CDC42EP1: variants seen among roughly 807,000 people sequenced by gnomAD.
CDC42EP1 encodes the protein 55 kDa bone marrow stromal/endothelial cell protein.
CDC42EP1 carries 6 observed loss-of-function variants against 7.4 expected under a neutral mutation model. The ratio of observed to expected loss-of-function variants is 0.81; its 90% CI spans 0.44 to 1.60. CDC42EP1 has a LOEUF of 1.60. Among genes scored for constraint, CDC42EP1 ranks in the 40% most tolerant of loss-of-function variants. The pLI, the probability that CDC42EP1 is intolerant of heterozygous loss-of-function variation, is 0.01. For missense variants in CDC42EP1, 567 were observed against 539.0 expected, an observed-to-expected ratio of 1.05 and a Z score of -0.51; for synonymous variants, 238 against 227.1, an observed-to-expected ratio of 1.05 and a Z score of -0.43.
chr22:37,564,479 C>T (rs1925153246), intron 1 of CDC42EP1: 1 of 152,230 alleles, frequency 6.6e-6, no homozygotes, highest in Admixed American at 6.5e-5. Flanking sequence ...TTCCAGGAAG[C>T]TCCTTGAAGG....
rs199672437 is a variant in CDC42EP1, at chr22:37,566,792, C to T, written c.443C>T (p.Thr148Met). 1.9e-5 allele frequency: 30 copies of T among 1,565,832 alleles called. No homozygotes were observed. In the Admixed American group the frequency reaches 3.5e-4, roughly 18 times the overall value. Residue 148 changes from threonine to methionine, a missense_variant, in exon 2 of 3, where the codon ACG becomes ATG. Thr to Met is a moderately conservative substitution (Grantham distance 81). Transcript: ENST00000249014. The surrounding 1 kb of genome is among the most constrained non-coding windows in gnomAD (Gnocchi z 6.4). ...LSFDSSPTSSTDGHSSYGLDS... is the reference protein window; with the variant it reads ...LSFDSSPTSSMDGHSSYGLDS... ...TTCGACAGCAGCCCCACCAGCTCCA[C>T]GGACGGCCACTCCAGCTACGGTGAG...
At position 37,568,637 on chromosome 22, in the gene CDC42EP1, C is replaced by T. The variant is rs1186388288; in HGVS notation, c.993C>T (p.Tyr331=). ...WGAGWDGGHH[Y]PEMDARQERV... is the part of the protein sequence containing the mutation. ...CAGGCTGGGATGGCGGCCACCACTA[C>T]CCAGAGATGGATGCGCGGCAGGAGC... Residue 331 remains tyrosine (Y), a synonymous_variant, in exon 3 of 3, where the codon TAC becomes TAT. Coordinates refer to ENST00000249014, the MANE Select transcript of CDC42EP1 (RefSeq NM_152243.3). 1 of 1,583,118 alleles carries T rather than the reference C, an allele frequency of 6.3e-7. No individual in the cohort carries two copies. The highest frequency in any genetic ancestry group is 2.3e-5 in the East Asian group (1 of 44,220).
chr22:37,566,507 G>A lies in CDC42EP1; in HGVS notation c.158G>A (p.Arg53His), dbSNP rs113668714. 4.0e-5 allele frequency: 64 copies of A among 1,612,358 alleles called. No homozygotes were observed. Among genetic ancestry groups the A allele is most frequent in the East Asian group, 3.8e-4 (17 of 44,826 alleles). The part of the protein sequence containing the change: ...GDFRHTMHVG[R>H]GGDVFGDTSF... ...TTCCGCCACACCATGCATGTGGGCC[G>A]TGGCGGGGATGTCTTCGGGGACACG... The change falls in exon 2 of 3, where the codon CGT (arginine) becomes CAT (histidine). Residue 53 changes from arginine to histidine, a missense_variant. Coordinates refer to ENST00000249014, the MANE Select transcript of CDC42EP1 (RefSeq NM_152243.3). The surrounding 1 kb of genome is among the most constrained non-coding windows in gnomAD (Gnocchi z 6.4).
Position 37,569,114 on chromosome 22 carries a change from C to G in CDC42EP1, c.*294C>G, listed in dbSNP as rs1388256514. On this transcript the variant is annotated 3_prime_UTR_variant, in exon 3 of 3. Coordinates refer to ENST00000249014, the MANE Select transcript of CDC42EP1 (RefSeq NM_152243.3). Reference sequence around the variant, plus strand: ...CCACCAGCTGGAGGACCCAGCCTCACAGTGTGTCCTTTGTGCCAGACCAAG... The same window carrying G: ...CCACCAGCTGGAGGACCCAGCCTCAGAGTGTGTCCTTTGTGCCAGACCAAG... 9 of 282,598 alleles carry G rather than the reference C, an allele frequency of 3.2e-5. No individual in the cohort carries two copies. Among genetic ancestry groups the G allele is most frequent in the Admixed American group, 1.0e-4 (2 of 19,214 alleles). The allele number at this position is 282,598 out of a possible 1,614,324, so 17.5% of individuals were successfully genotyped here. A position where few individuals can be genotyped will look rare whatever the true frequency, so the allele number is the denominator to read the frequency against.
In CDC42EP1 at chr22:37,566,593, C is replaced by A. The variant is rs376654024; in HGVS notation, c.244C>A (p.Leu82Met). The change falls in exon 2 of 3, where the codon CTG (leucine) becomes ATG (methionine). Residue 82 changes from leucine (L) to methionine (M), a missense_variant. By Grantham distance (15) the Leu-to-Met change is conservative. Transcript: ENST00000249014. This position sits in a 1 kb window ranked among gnomAD's most constrained non-coding sequence, Gnocchi z 6.4. ...CACCCATCGCTCACCCCGCAGCTTCCTGGCCAAGAAGCTGCAGCTGGTGCG... is the reference window on the plus strand; with the variant it reads ...CACCCATCGCTCACCCCGCAGCTTCATGGCCAAGAAGCTGCAGCTGGTGCG... ...GSTHRSPRSF[L>M]AKKLQLVRRV... is the part of the protein sequence containing the mutation. 1.1e-4 allele frequency: 182 copies of A among 1,601,252 alleles called. No individual in the cohort carries two copies. The highest frequency in any genetic ancestry group is 1.5e-4 in the Non-Finnish European group (175 of 1,171,152).
chr22:37,568,064 G>A, intron 2 of CDC42EP1, 44 bp from the exon 3 acceptor site: 1 of 1,536,170 alleles, frequency 6.5e-7, no homozygotes, highest in Non-Finnish European at 8.9e-7. Context: ...TGAATTCCTG[G>A]TGAGGGACCC....
rs1417765520 is a variant in CDC42EP1 at position 37,566,369 on chromosome 22, G to T, written c.20G>T (p.Gly7Val). The change falls in exon 2 of 3, where the codon GGC becomes GTC. Residue 7 changes from glycine (G) to valine (V), a missense_variant. Gly to Val is a moderately radical substitution (Grantham distance 109, BLOSUM62 -3). Transcript: ENST00000249014. The surrounding 1 kb of genome is among the most constrained non-coding windows in gnomAD (Gnocchi z 6.4). ...GAGCTGATGCCCGGCCCCCAGGGGG[G>T]CAGAGGCGCCGCCACCATGAGCCTG... MPGPQG[G>V]RGAATMSLGK... 2 of 1,542,440 alleles carry T rather than the reference G, an allele frequency of 1.3e-6. No homozygotes were observed. Among genetic ancestry groups the T allele is most frequent in the Non-Finnish European group, 1.8e-6 (2 of 1,141,496 alleles).
In CDC42EP1 at chr22:37,568,814, G is replaced by A; in HGVS notation, c.1170G>A (p.Lys390=). The stretch of plus-strand genomic sequence containing the variant: ...ATGCTGAGGAGGATGATGAGGTCAA[G>A]GTGTGAGGGGCTGGGGCACGGTCCC... ...FADAEEDDEV[K]V The change falls in exon 3 of 3, where the codon AAG becomes AAA. Residue 390 remains lysine, a synonymous_variant. Coordinates refer to ENST00000249014, the MANE Select transcript of CDC42EP1 (RefSeq NM_152243.3). The A allele has an allele frequency of 1.4e-6, 2 of 1,480,416 alleles. No homozygotes were observed. The highest frequency in any genetic ancestry group is 1.8e-6 in the Non-Finnish European group (2 of 1,114,146). The allele number at this position is 1,480,416 out of a possible 1,614,324, so 91.7% of individuals were successfully genotyped here. A position where few individuals can be genotyped will look rare whatever the true frequency, so the allele number is the denominator to read the frequency against.
At chr22:37,561,817 G>A (rs956732395) in intron 1 of CDC42EP1, among the ~76,000 whole-genome samples, 1 of 152,176 alleles carries the variant, frequency 6.6e-6, no homozygotes, top group South Asian at 2.1e-4. Flanking sequence ...GTGACCCCCA[G>A]GTGAATGCCA....
rs201507112 is a variant in CDC42EP1 at position 37,569,233 on chromosome 22, G to A, written c.*413G>A. ...GCCTGCCCCCAGCTCATCCCAGAGCGTCCCTGCTGCAACCCTGACAGCCGT... is the reference window on the plus strand; with the variant it reads ...GCCTGCCCCCAGCTCATCCCAGAGCATCCCTGCTGCAACCCTGACAGCCGT... On this transcript the variant is annotated 3_prime_UTR_variant, in exon 3 of 3. Transcript: ENST00000249014. 684 of 159,140 alleles carry A rather than the reference G, an allele frequency of 4.3e-3. 2 individuals are homozygous for A. The highest frequency in any genetic ancestry group is 0.025 in the Middle Eastern group (8 of 316). The allele number at this position is 159,140 out of a possible 1,614,324, so 9.9% of individuals were successfully genotyped here.
At chr22:37,562,803 G>A (rs918596997) in intron 1 of CDC42EP1, among the ~76,000 whole-genome samples, 70 of 152,132 alleles carry the variant, frequency 4.6e-4, no homozygotes, top group African/African-American at 1.1e-3. Context: ...GGGAGATGAG[G>A]TGCTGCCTCA....
chr22:37,564,378 G>A (rs559628997), intron 1 of CDC42EP1: 7 of 152,334 alleles, frequency 4.6e-5, no homozygotes, highest in African/African-American at 1.7e-4. Context: ...CTGTGATAAA[G>A]TCTTTTCCTG....
chr22:37,566,355 C>T lies in CDC42EP1; in HGVS notation c.6C>T (p.Pro2=), dbSNP rs376012796. The change falls in exon 2 of 3, where the codon CCC becomes CCT. Residue 2 remains proline (P), a synonymous_variant. Transcript: ENST00000249014. The surrounding 1 kb of genome is among the most constrained non-coding windows in gnomAD (Gnocchi z 6.4). ...GCTGTGAGCAGCCAGAGCTGATGCC[C>T]GGCCCCCAGGGGGGCAGAGGCGCCG... M[P]GPQGGRGAAT... 30 of 1,508,022 alleles carry T rather than the reference C, an allele frequency of 2.0e-5. No individual in the cohort carries two copies. The highest frequency in any genetic ancestry group is 1.7e-4 in the African/African-American group (12 of 72,304). 93.4% of individuals were successfully genotyped at this position (1,508,022 alleles called of 1,614,324 possible).
At chr22:37,562,365 C>G (rs1925074675) in intron 1 of CDC42EP1, among the ~76,000 whole-genome samples, 2 of 152,318 alleles carry the variant, frequency 1.3e-5, no homozygotes, top group South Asian at 4.1e-4. Flanking sequence ...ACTCCAGTGC[C>G]AGGTGAGGCA....
At chr22:37,563,287 A>C (rs966414362) in intron 1 of CDC42EP1, among the ~76,000 whole-genome samples, 2 of 152,136 alleles carry the variant, frequency 1.3e-5, no homozygotes, top group African/African-American at 2.4e-5. Context: ...TGAACCTGTC[A>C]CTTAACCTTG....
Position 37,566,894 on chromosome 22 carries a change from A to G in CDC42EP1, c.463+82A>G, listed in dbSNP as rs544711969. 13 of 1,062,348 alleles carry G rather than the reference A, an allele frequency of 1.2e-5. No homozygotes were observed. The South Asian group carries it at 1.5e-4, about 12-fold the overall frequency. 65.8% of individuals were successfully genotyped at this position (1,062,348 alleles called of 1,614,324 possible). ...GGGTTCAGTGGCTCCTCCAAGCTCC[A>G]AGTGAGCTCCAAGTGACCACAGAGG... On this transcript the variant is annotated intron_variant, in intron 2 of 2. Transcript: ENST00000249014. The surrounding 1 kb of genome is among the most constrained non-coding windows in gnomAD (Gnocchi z 6.4).
In CDC42EP1 at chr22:37,569,109, C is replaced by A; in HGVS notation, c.*289C>A. On this transcript the variant is annotated 3_prime_UTR_variant, in exon 3 of 3. Transcript: ENST00000249014. Reference sequence around the variant, plus strand: ...CACCCCCACCAGCTGGAGGACCCAGCCTCACAGTGTGTCCTTTGTGCCAGA... The same window carrying A: ...CACCCCCACCAGCTGGAGGACCCAGACTCACAGTGTGTCCTTTGTGCCAGA... 3.4e-6 allele frequency: 1 copy of A among 290,118 alleles called. No homozygotes were observed. Among genetic ancestry groups the A allele is most frequent in the Non-Finnish European group, 6.4e-6 (1 of 156,754 alleles). The allele number at this position is 290,118 out of a possible 1,614,324, so 18.0% of individuals were successfully genotyped here.
At position 37,568,796 on chromosome 22, in the gene CDC42EP1, G is replaced by A. The variant is rs1188387642; in HGVS notation, c.1152G>A (p.Glu384=). The change falls in exon 3 of 3, where the codon GAG becomes GAA. Residue 384 remains glutamate (E), a synonymous_variant. Transcript: ENST00000249014. The stretch of plus-strand genomic sequence containing the variant: ...ACACCTTTGAATTTGCGGATGCTGA[G>A]GAGGATGATGAGGTCAAGGTGTGAG... ...QANTFEFADA[E]EDDEVKV is the part of the protein sequence containing the mutation. The A allele has an allele frequency of 2.7e-6, 4 of 1,495,922 alleles. No individual in the cohort carries two copies. Among genetic ancestry groups the A allele is most frequent in the Non-Finnish European group, 3.6e-6 (4 of 1,121,932 alleles). 92.7% of individuals were successfully genotyped at this position (1,495,922 alleles called of 1,614,324 possible).
chr22:37,562,445 T>C (rs992661355), intron 1 of CDC42EP1, among the ~76,000 whole-genome samples: 17 of 152,258 alleles, frequency 1.1e-4, no homozygotes, highest in Non-Finnish European at 2.1e-4. Flanking sequence ...GTCCCTGGAA[T>C]GAGAGATGTT....
Sources: gnomAD v4.1 joint callset for allele counts (sites outside exome capture counted in the v4.1 genomes callset) on GRCh38, gnomAD v4.1.1 for gene constraint, Gnocchi (gnomAD v3.1) non-coding constraint, MANE v1.5 for transcripts, NCBI Gene and HGNC (gene_info 2026-07-23, HGNC 2026-07-21) for gene names.